ELAVL4: variants seen among roughly 807,000 people sequenced by gnomAD.
ELAVL4 encodes ELAV-like protein 4.
In ELAVL4, 1 loss-of-function variant was observed where a neutral mutation model predicts 35.6. The observed-to-expected ratio is 0.03, with a 90% CI of 0.01 to 0.13. The LOEUF (loss-of-function observed/expected upper bound fraction) is 0.13. Among genes scored for constraint, ELAVL4 ranks in the 10% least tolerant of loss-of-function variants. The pLI is 1.00. For synonymous variants in ELAVL4, 156 were observed against 171.0 expected (o/e 0.91, Z 0.69); for missense variants, 267 against 464.9 (o/e 0.57, Z 3.91).
chr1:50,155,138 G>A (rs985494466), intron 2 of ELAVL4, among the ~76,000 whole-genome samples: 16 of 149,946 alleles, frequency 1.1e-4, no homozygotes, highest in African/African-American at 3.2e-4. Context: ...TCGTCATTTA[G>A]CATTAGTTAT....
chr1:50,157,390 G>A (rs1675950743), intron 2 of ELAVL4, among the ~76,000 whole-genome samples: 1 of 152,188 alleles, frequency 6.6e-6, no homozygotes, highest in African/African-American at 2.4e-5. Flanking sequence ...GACATTGTAA[G>A]CAGGGGATTT....
At chr1:50,130,247 A>G (rs1670627845) in intron 1 of ELAVL4, among the ~76,000 whole-genome samples, 1 of 152,146 alleles carries the variant, frequency 6.6e-6, no homozygotes, top group Non-Finnish European at 1.5e-5. Context: ...TGCATTTCAT[A>G]GTGATAGGAA....
intron 1 of ELAVL4, among the ~76,000 whole-genome samples, chr1:50,122,250 T>G (rs1669162833): frequency 6.6e-6 from 1 of 152,098 alleles, no homozygotes; most frequent in Non-Finnish European, 1.5e-5. Context: ...CAAAGATAAG[T>G]CAGTCTCTGT....
chr1:50,166,745 A>G (rs960656883), intron 2 of ELAVL4, among the ~76,000 whole-genome samples: 11 of 152,142 alleles, frequency 7.2e-5, no homozygotes, highest in Admixed American at 2.6e-4. Flanking sequence ...TTCCATGTAT[A>G]TTCTTCCTTA....
At chr1:50,050,670 C>T (rs915693014) in intron 1 of ELAVL4, among the ~76,000 whole-genome samples, 5 of 151,918 alleles carry the variant, frequency 3.3e-5, no homozygotes, top group Admixed American at 6.6e-5. Flanking sequence ...TTGTCTTGTG[C>T]CAAGATTATA....
At chr1:50,186,746 G>T (rs1226642573) in intron 3 of ELAVL4, among the ~76,000 whole-genome samples, 1 of 152,180 alleles carries the variant, frequency 6.6e-6, no homozygotes, top group Non-Finnish European at 1.5e-5. Context: ...GATTCCAGAG[G>T]GCTTTGAATG....
chr1:50,130,263 C>G (rs899833264), intron 1 of ELAVL4, among the ~76,000 whole-genome samples: 4 of 152,060 alleles, frequency 2.6e-5, no homozygotes, highest in Non-Finnish European at 5.9e-5. Flanking sequence ...AGGAAAAGTC[C>G]TCAGACTTAG....
At chr1:50,148,327 T>A (rs1268289584) in intron 2 of ELAVL4, among the ~76,000 whole-genome samples, 2 of 152,170 alleles carry the variant, frequency 1.3e-5, no homozygotes, top group African/African-American at 4.8e-5. Flanking sequence ...GAGCAGAGGT[T>A]GCTGGGCACC....
intron 1 of ELAVL4, among the ~76,000 whole-genome samples, chr1:50,123,093 C>G (rs1027253467): frequency 6.6e-6 from 1 of 152,076 alleles, no homozygotes; most frequent in African/African-American, 2.4e-5. Flanking sequence ...CAGCACTCTA[C>G]AGTCCTCCTT....
At chr1:50,131,255 C>T (rs923684413) in intron 1 of ELAVL4, among the ~76,000 whole-genome samples, 1 of 152,042 alleles carries the variant, frequency 6.6e-6, no homozygotes, top group Admixed American at 6.6e-5. Flanking sequence ...AATTATAATA[C>T]AAATGTAATT....
intron 1 of ELAVL4, chr1:50,110,039 G>A (rs1639369512): frequency 6.4e-7 from 1 of 1,560,422 alleles, no homozygotes; most frequent in African/African-American, 1.4e-5. Context: ...TTGTATGTGT[G>A]TATGTGTAAG....
chr1:50,094,786 T>C (rs1446039451), intron 1 of ELAVL4, among the ~76,000 whole-genome samples: 2 of 103,850 alleles, frequency 1.9e-5, no homozygotes, highest in Non-Finnish European at 4.3e-5. Flanking sequence ...ATAAATTAGC[T>C]GGGCTTGATG....
chr1:50,193,724 G>C, intron 3 of ELAVL4, 41 bp from the exon 4 acceptor site: 1 of 1,595,508 alleles, frequency 6.3e-7, no homozygotes, highest in Non-Finnish European at 8.5e-7. Context: ...CTCTGAGGGT[G>C]ATTGCCTATA....
intron 3 of ELAVL4, among the ~76,000 whole-genome samples, chr1:50,182,330 G>C (rs576824759): frequency 6.6e-6 from 1 of 152,338 alleles, no homozygotes; most frequent in East Asian, 1.9e-4. Flanking sequence ...TGGAATGTGA[G>C]GGTTTGGTAT....
In ELAVL4 at chr1:50,137,780, G is replaced by A. The variant is rs1389890515; in HGVS notation, c.10-7177G>A. ...AGAGTGGTTTGGGAAGGAAGGAAAG[G>A]TTTTACTTTTGATTATATTGCTAAT... is the stretch of plus-strand genomic sequence containing the variant. On this transcript the variant is annotated intron_variant, in intron 1 of 6. Coordinates refer to ENST00000371824, the MANE Select transcript of ELAVL4 (RefSeq NM_001144774.3). Among the ~76,000 whole-genome samples, 3 of 152,080 alleles carry A rather than the reference G, an allele frequency of 2.0e-5. No individual in the cohort carries two copies. The East Asian group carries it at 5.8e-4, about 29-fold the overall frequency.
In ELAVL4 at chr1:50,145,223, T is replaced by G. The variant is rs779662833; in HGVS notation, c.250+26T>G. On this transcript the variant is annotated intron_variant, in intron 2 of 6. Transcript: ENST00000371824. ...GTATGCACAGGATTTGAAGCTATGTTGTTCCATTAGATGTGCAGATCTTAG... is the reference window on the plus strand; with the variant it reads ...GTATGCACAGGATTTGAAGCTATGTGGTTCCATTAGATGTGCAGATCTTAG... 2.5e-6 allele frequency: 4 copies of G among 1,612,876 alleles called. No individual in the cohort carries two copies. The South Asian group carries it at 4.4e-5, about 18-fold the overall frequency.
intron 1 of ELAVL4, among the ~76,000 whole-genome samples, chr1:50,065,155 T>C (rs922152737): frequency 6.6e-6 from 1 of 152,142 alleles, no homozygotes; most frequent in African/African-American, 2.4e-5. Flanking sequence ...CTCTCACCTC[T>C]ATAAAACAAA....
At chr1:50,191,043 G>C (rs1017013028) in intron 3 of ELAVL4, among the ~76,000 whole-genome samples, 1 of 152,080 alleles carries the variant, frequency 6.6e-6, no homozygotes, top group Non-Finnish European at 1.5e-5. Context: ...TGTATCCCTG[G>C]CATAACACAC....
intron 1 of ELAVL4, among the ~76,000 whole-genome samples, chr1:50,081,836 C>CA (rs1665023219): frequency 6.6e-6 from 1 of 152,116 alleles, no homozygotes; most frequent in South Asian, 2.1e-4. Context: ...CTAGTACCCC[C>CA]ACCCCCTGAC....
Sources: allele counts gnomAD v4.1 joint callset (sites outside exome capture counted in the v4.1 genomes callset), GRCh38; gene constraint gnomAD v4.1.1; transcripts MANE v1.5; gene names NCBI Gene and HGNC (gene_info 2026-07-23, HGNC 2026-07-21).